The following TAB2 variants were observed in gnomAD, a reference collection of about 807,000 sequenced individuals.
The protein encoded by TAB2 is TGF-beta-activated kinase 1 and MAP3K7-binding protein 2.
TAB2 carries 3 observed loss-of-function variants against 65.0 expected under a neutral mutation model. The ratio of observed to expected loss-of-function variants is 0.05; its 90% CI spans 0.02 to 0.12. The LOEUF is 0.12. Ranked by LOEUF, TAB2 falls within the 10% of genes least tolerant of loss-of-function variation. The pLI, the probability that TAB2 is intolerant of heterozygous loss-of-function variation, is 1.00. For missense variants in TAB2, 623 were observed against 840.3 expected (o/e 0.74, Z 3.20); for synonymous variants, 298 against 285.1 (o/e 1.05, Z -0.46).
At chr6:149,335,857 ATTT>A (rs1383130070) in intron 1 of TAB2, among the ~76,000 whole-genome samples, 1 of 151,912 alleles carries the variant, frequency 6.6e-6, no homozygotes, top group African/African-American at 2.4e-5. Context: ...TATTTTAGAG[ATTT>A]TATAGAGATT....
At chr6:149,352,060 T>C (rs1780510529) in intron 1 of TAB2, among the ~76,000 whole-genome samples, 1 of 152,180 alleles carries the variant, frequency 6.6e-6, no homozygotes. Context: ...AAGATTTTAA[T>C]AGTAAAGGCC....
intron 6 of TAB2, among the ~76,000 whole-genome samples, chr6:149,403,295 CATATAT>C (rs1190885445): frequency 1.3e-5 from 1 of 76,470 alleles, no homozygotes; most frequent in African/African-American, 6.4e-5. Context: ...CACACACACA[CATATAT>C]ATATATATAT....
At chr6:149,364,898 C>T (rs181911956) in intron 1 of TAB2, among the ~76,000 whole-genome samples, 4 of 151,608 alleles carry the variant, frequency 2.6e-5, no homozygotes, top group South Asian at 4.2e-4. Flanking sequence ...TCTGAGTGAG[C>T]CATTAACCAG....
At chr6:149,230,858 T>A (rs1255690049) in intron 1 of TAB2, among the ~76,000 whole-genome samples, 1 of 152,228 alleles carries the variant, frequency 6.6e-6, no homozygotes, top group African/African-American at 2.4e-5. Flanking sequence ...ACAGTAAGTA[T>A]TTTTCTATGG....
At chr6:149,347,987 A>G (rs1171552326) in intron 1 of TAB2, among the ~76,000 whole-genome samples, 1 of 152,240 alleles carries the variant, frequency 6.6e-6, no homozygotes, top group African/African-American at 2.4e-5. Context: ...TCATCCAGCT[A>G]TTCTGACTGC....
upstream of TAB2, among the ~76,000 whole-genome samples, chr6:149,316,938 G>A (rs1411741642): frequency 6.6e-6 from 1 of 151,890 alleles, no homozygotes; most frequent in Non-Finnish European, 1.5e-5. Flanking sequence ...TTAGCCGGCG[G>A]TGCGATCCGG....
At chr6:149,332,069 G>A (rs566709159) in intron 1 of TAB2, among the ~76,000 whole-genome samples, 141 of 152,272 alleles carry the variant, frequency 9.3e-4, no homozygotes, top group Non-Finnish European at 1.2e-3. Flanking sequence ...GATGACAAGA[G>A]ATTTTTGGCG....
chr6:149,242,653 C>T (rs1364889985), intron 1 of TAB2, among the ~76,000 whole-genome samples: 3 of 152,174 alleles, frequency 2.0e-5, no homozygotes, highest in Non-Finnish European at 4.4e-5. Flanking sequence ...TCTGGAAGAA[C>T]CTGTAGCTCT....
At chr6:149,255,449 T>C (rs763220387) in intron 1 of TAB2, 2 of 152,254 alleles carry the variant, frequency 1.3e-5, no homozygotes, top group Non-Finnish European at 2.9e-5. Context: ...TGTGTATACC[T>C]ACAAAGAAAA....
intron 1 of TAB2, among the ~76,000 whole-genome samples, chr6:149,266,759 A>G (rs979145168): frequency 6.6e-6 from 1 of 152,192 alleles, no homozygotes; most frequent in Non-Finnish European, 1.5e-5. Flanking sequence ...GGGAGGCCAT[A>G]ATGAACCTCT....
At chr6:149,326,140 T>A (rs1779609273) in intron 1 of TAB2, among the ~76,000 whole-genome samples, 1 of 152,128 alleles carries the variant, frequency 6.6e-6, no homozygotes, top group African/African-American at 2.4e-5. Context: ...ATTATTATGT[T>A]AAAATATTGG....
At chr6:149,334,618 A>G (rs1264053380) in intron 1 of TAB2, among the ~76,000 whole-genome samples, 2 of 151,876 alleles carry the variant, frequency 1.3e-5, no homozygotes, top group East Asian at 1.9e-4. Context: ...TCGAGGCTGC[A>G]TATCTATGAT....
intron 6 of TAB2, 95 bp downstream of exon 6, chr6:149,399,279 T>G: frequency 2.2e-6 from 2 of 895,806 alleles, no homozygotes; most frequent in South Asian, 1.4e-5. Flanking sequence ...CTAGAATTGC[T>G]TCAAACTTTG....
intron 1 of TAB2, among the ~76,000 whole-genome samples, chr6:149,361,033 G>A (rs1780830666): frequency 6.6e-6 from 1 of 152,200 alleles, no homozygotes; most frequent in Non-Finnish European, 1.5e-5. Flanking sequence ...GTTCTCGTGG[G>A]TTGGAGTTGA....
chr6:149,253,358 C>T (rs1413125124), intron 1 of TAB2, among the ~76,000 whole-genome samples: 4 of 152,152 alleles, frequency 2.6e-5, no homozygotes, highest in Non-Finnish European at 2.9e-5. Context: ...CTGTGGCTCA[C>T]GCCTGTAATC....
intron 1 of TAB2, among the ~76,000 whole-genome samples, chr6:149,261,583 T>C (rs1778154570): frequency 6.6e-6 from 1 of 152,166 alleles, no homozygotes; most frequent in South Asian, 2.1e-4. Context: ...TTTTAACCAA[T>C]AGTAAAGTGA....
intron 1 of TAB2, among the ~76,000 whole-genome samples, chr6:149,333,510 T>G (rs570223011): frequency 7.9e-5 from 12 of 152,314 alleles, no homozygotes; most frequent in African/African-American, 1.2e-4. Context: ...CTGTCTGTCT[T>G]CTACGCAGTC....
At chr6:149,247,297 A>G (rs1324268726) in intron 1 of TAB2, 1 of 152,382 alleles carries the variant, frequency 6.6e-6, no homozygotes, top group African/African-American at 2.4e-5. Flanking sequence ...ACCTCCTGCC[A>G]TGAACCAGAC....
In TAB2 at chr6:149,357,802, C is replaced by T. The variant is rs191743744; in HGVS notation, c.-89-12107C>T. 5.5e-4 allele frequency among the ~76,000 whole-genome samples: 84 copies of T among 151,858 alleles called. 1 individual carries two copies. The East Asian group carries it at 0.015, about 27-fold the overall frequency. On this transcript the variant is annotated intron_variant, in intron 1 of 6. Coordinates refer to ENST00000637181, the MANE Select transcript of TAB2 (RefSeq NM_001292034.3). ...GCAACCTCCATCTCCCAGGTTCAAG[C>T]GATTCTCCTGTCTCAGCCTCCCAAG... is the stretch of plus-strand genomic sequence containing the variant.
Sources: allele counts gnomAD v4.1 joint callset (sites outside exome capture counted in the v4.1 genomes callset), GRCh38; gene constraint gnomAD v4.1.1; transcripts MANE v1.5; gene names NCBI Gene and HGNC (gene_info 2026-07-23, HGNC 2026-07-21).